Variants in SCMH1 observed in about 807,000 individuals in gnomAD.
SCMH1 encodes polycomb protein SCMH1.
SCMH1 carries 37 observed loss-of-function variants against 70.8 expected under a neutral mutation model. The ratio of observed to expected loss-of-function variants is 0.52; its 90% CI spans 0.40 to 0.69. The LOEUF is 0.69. Among genes scored for constraint, SCMH1 ranks in the 30% least tolerant of loss-of-function variants. The pLI, the probability that SCMH1 is intolerant of heterozygous loss-of-function variation, is 0.00. For missense variants in SCMH1, 607 were observed against 827.3 expected (o/e 0.73, Z 3.27); for synonymous variants, 292 against 307.4 (o/e 0.95, Z 0.52).
At chr1:41,051,267 T>C (rs1413760322) in intron 10 of SCMH1, among the ~76,000 whole-genome samples, 1 of 152,224 alleles carries the variant, frequency 6.6e-6, no homozygotes, top group African/African-American at 2.4e-5. Flanking sequence ...TAAACAAACC[T>C]ACTACACTGC....
At chr1:41,040,591 A>C (rs1266534297) in intron 12 of SCMH1, among the ~76,000 whole-genome samples, 1 of 151,772 alleles carries the variant, frequency 6.6e-6, no homozygotes, top group East Asian at 2.0e-4. Context: ...TTGGCTGGGC[A>C]TGGTGGCTCA....
intron 5 of SCMH1, among the ~76,000 whole-genome samples, chr1:41,144,397 T>C (rs1644368173): frequency 5.9e-5 from 9 of 152,224 alleles, no homozygotes; most frequent in Admixed American, 5.9e-4. Flanking sequence ...TTTAGCAAAA[T>C]GGATTCAAGG....
At chr1:41,190,673 T>C (rs1651482201) in intron 1 of SCMH1, among the ~76,000 whole-genome samples, 1 of 152,216 alleles carries the variant, frequency 6.6e-6, no homozygotes, top group South Asian at 2.1e-4. Flanking sequence ...ACAGTGTGTG[T>C]GTGCATGTAT....
intron 4 of SCMH1, among the ~76,000 whole-genome samples, chr1:41,153,401 A>G (rs1221430506): frequency 6.6e-6 from 1 of 152,238 alleles, no homozygotes; most frequent in African/African-American, 2.4e-5. Flanking sequence ...AGCACAGATC[A>G]AGAGTTTTGG....
chr1:41,103,019 T>G (rs992837721), intron 8 of SCMH1, among the ~76,000 whole-genome samples: 2 of 152,158 alleles, frequency 1.3e-5, no homozygotes, highest in African/African-American at 4.8e-5. Context: ...TCTTAACATA[T>G]ATGAATGTTT....
At chr1:41,045,948 TG>T (rs1646849669) in intron 12 of SCMH1, 1 of 153,804 alleles carries the variant, frequency 6.5e-6, no homozygotes, top group Non-Finnish European at 1.4e-5. Context: ...CTGGCAGTGC[TG>T]GAAGTTAGGG....
intron 8 of SCMH1, among the ~76,000 whole-genome samples, chr1:41,089,231 C>T (rs779277660): frequency 2.6e-5 from 4 of 152,186 alleles, no homozygotes; most frequent in Non-Finnish European, 5.9e-5. Flanking sequence ...GTTTTTAATA[C>T]AATTTCCCAC....
chr1:41,183,470 T>C (rs1649363279), intron 2 of SCMH1, among the ~76,000 whole-genome samples: 1 of 152,198 alleles, frequency 6.6e-6, no homozygotes, highest in African/African-American at 2.4e-5. Flanking sequence ...CTTTTCTCTA[T>C]TTGGGAAATT....
At chr1:41,173,964 G>A (rs934686073) in intron 2 of SCMH1, among the ~76,000 whole-genome samples, 7 of 151,894 alleles carry the variant, frequency 4.6e-5, no homozygotes, top group Non-Finnish European at 1.0e-4. Context: ...GGGAGGTAGG[G>A]GGGCAAATAT....
chr1:41,192,980 T>C (rs537384451), intron 1 of SCMH1, among the ~76,000 whole-genome samples: 2 of 152,218 alleles, frequency 1.3e-5, no homozygotes, highest in African/African-American at 2.4e-5. Flanking sequence ...TCTGTTATCA[T>C]AGCATTAAGG....
chr1:41,116,725 C>A (rs1271161495), intron 7 of SCMH1, among the ~76,000 whole-genome samples, 197 bp downstream of exon 7: 4 of 152,030 alleles, frequency 2.6e-5, no homozygotes, highest in Non-Finnish European at 4.4e-5. Context: ...GAAGCTGGGA[C>A]CATATAATCT....
At chr1:41,155,984 C>CAAAAAAAAAAAAAAAAAAAAAAA (rs386366781) in intron 4 of SCMH1, among the ~76,000 whole-genome samples, 3 of 74,652 alleles carry the variant, frequency 4.0e-5, no homozygotes, top group African/African-American at 1.8e-4. Flanking sequence ...GACTCCGTCT[C>CAAAAAAAAAAAAAAAAAAAAAAA]AAAAAAAAAA....
At chr1:41,085,017 C>T (rs1397908884) in intron 8 of SCMH1, among the ~76,000 whole-genome samples, 2 of 150,612 alleles carry the variant, frequency 1.3e-5, no homozygotes, top group Non-Finnish European at 3.0e-5. Context: ...AGGAGATATA[C>T]CTAATGCTAA....
chr1:41,230,744 G>C (rs567672385), intron 1 of SCMH1, among the ~76,000 whole-genome samples: 1 of 152,172 alleles, frequency 6.6e-6, no homozygotes, highest in East Asian at 1.9e-4. Flanking sequence ...CACTGAAACT[G>C]GCAACAATGA....
At chr1:41,212,687 C>T (rs552458535) in intron 1 of SCMH1, among the ~76,000 whole-genome samples, 3 of 152,272 alleles carry the variant, frequency 2.0e-5, no homozygotes, top group Non-Finnish European at 4.4e-5. Flanking sequence ...AAACAAGAAA[C>T]GGTCATGATA....
intron 1 of SCMH1, among the ~76,000 whole-genome samples, chr1:41,193,007 T>C (rs1652099775): frequency 6.6e-6 from 1 of 152,202 alleles, no homozygotes; most frequent in Non-Finnish European, 1.5e-5. Flanking sequence ...TATAATACAC[T>C]AACAAATGAA....
chr1:41,049,953 G>T (rs1303447532), intron 10 of SCMH1, among the ~76,000 whole-genome samples: 1 of 152,004 alleles, frequency 6.6e-6, no homozygotes, highest in Non-Finnish European at 1.5e-5. Context: ...CTACTTGGGA[G>T]GCTGAGGTGG....
At chr1:41,034,332 C>CTT (rs112747228) in intron 13 of SCMH1, among the ~76,000 whole-genome samples, 2 of 145,792 alleles carry the variant, frequency 1.4e-5, no homozygotes, top group East Asian at 4.0e-4. Context: ...CTTTTCTTTT[C>CTT]TTTTTTTTTT....
At chr1:41,225,823 A>G (rs1308113246) in intron 1 of SCMH1, among the ~76,000 whole-genome samples, 1 of 152,218 alleles carries the variant, frequency 6.6e-6, no homozygotes, top group African/African-American at 2.4e-5. Flanking sequence ...CAGATGAAGA[A>G]TAATTTTAAA....
Sources: gnomAD v4.1 joint callset for allele counts (sites outside exome capture counted in the v4.1 genomes callset) on GRCh38, gnomAD v4.1.1 for gene constraint, MANE v1.5 for transcripts, NCBI Gene and HGNC (gene_info 2026-07-23, HGNC 2026-07-21) for gene names.